Variants in CLIC5 observed in about 807,000 individuals in gnomAD.
CLIC5 encodes chloride intracellular channel protein 5.
In CLIC5, 20 loss-of-function variants were observed where a neutral mutation model predicts 24.7. That is an observed-to-expected ratio of 0.81 (90% CI 0.57 to 1.18). CLIC5 has a LOEUF of 1.18. CLIC5 is among the 50% of genes most tolerant of loss of function. The pLI is 0.00. For missense variants in CLIC5, 341 were observed against 326.1 expected (o/e 1.05, Z -0.35); for synonymous variants, 159 against 135.6 (o/e 1.17, Z -1.20).
At chr6:45,942,376 C>T (rs571676137) in intron 3 of CLIC5, among the ~76,000 whole-genome samples, 1 of 152,156 alleles carries the variant, frequency 6.6e-6, no homozygotes, top group African/African-American at 2.4e-5. Flanking sequence ...GGAGTTAGAA[C>T]GATTGGCCTT....
In CLIC5 at chr6:45,941,640, C is replaced by G. The variant is rs147535896; in HGVS notation, c.313G>C (p.Ala105Pro). The change falls in exon 4 of 6, where the codon GCT becomes CCT. Residue 105 changes from alanine (A) to proline (P), a missense_variant. Transcript: ENST00000339561. ...TLTPEKYPKL[A>P]AKHRESNTAG... ...GTGTTGGATTCCCGGTGTTTTGCAG[C>G]CAGTTTGGGGTACCTGGAATGGAGG... 2 of 1,613,850 alleles carry G rather than the reference C, an allele frequency of 1.2e-6. No homozygotes were observed. Among genetic ancestry groups the G allele is most frequent in the African/African-American group, 2.7e-5 (2 of 74,980 alleles).
chr6:45,922,090 C>T (rs1763285915), intron 4 of CLIC5, among the ~76,000 whole-genome samples: 3 of 152,160 alleles, frequency 2.0e-5, no homozygotes, highest in African/African-American at 4.8e-5. Flanking sequence ...CCTCGTGTGG[C>T]GTCAGCTGGG....
At chr6:46,019,081 G>GT, upstream of CLIC5, among the ~76,000 whole-genome samples, 1 of 130,668 alleles carries the variant, frequency 7.7e-6, no homozygotes, top group East Asian at 2.5e-4. Context: ...CAAAAGTATA[G>GT]TAAAAAAAAA....
chr6:45,922,742 T>C (rs1763312313), intron 4 of CLIC5, among the ~76,000 whole-genome samples: 1 of 152,100 alleles, frequency 6.6e-6, no homozygotes, highest in South Asian at 2.1e-4. Context: ...TTAAGTTTCC[T>C]TTTGTGTACT....
chr6:46,081,568 A>G (rs1762920523), upstream of CLIC5, among the ~76,000 whole-genome samples: 1 of 152,158 alleles, frequency 6.6e-6, no homozygotes, highest in Non-Finnish European at 1.5e-5. Context: ...GACACTGGAC[A>G]TTTATCTTAT....
At chr6:45,891,378 C>T (rs114350636) in intron 6 of CLIC5, among the ~76,000 whole-genome samples, 2,469 of 152,222 alleles carry the variant, frequency 0.016, 74 homozygotes, top group African/African-American at 0.055. Flanking sequence ...TGGCTCACCC[C>T]GGTAATTCCA....
chr6:46,053,710 C>T (rs1211069350), intron 1 of CLIC5, among the ~76,000 whole-genome samples: 1 of 152,192 alleles, frequency 6.6e-6, no homozygotes, highest in Non-Finnish European at 1.5e-5. Flanking sequence ...TTCCTCTCAG[C>T]TTTCCTGGAA....
At chr6:45,973,756 G>T (rs1191392552) in intron 1 of CLIC5, among the ~76,000 whole-genome samples, 1 of 152,104 alleles carries the variant, frequency 6.6e-6, no homozygotes, top group African/African-American at 2.4e-5. Context: ...GGACAACATG[G>T]TTAAACCCCA....
chr6:46,113,567 G>T, the CLIC5 span, among the ~76,000 whole-genome samples: 1 of 152,126 alleles, frequency 6.6e-6, no homozygotes, highest in Admixed American at 6.5e-5. Flanking sequence ...AGCAGGTGTG[G>T]CACACTTACC....
chr6:45,938,393 G>C (rs1764014421), intron 4 of CLIC5, among the ~76,000 whole-genome samples: 1 of 152,180 alleles, frequency 6.6e-6, no homozygotes, highest in Non-Finnish European at 1.5e-5. Flanking sequence ...GGGGGTATTG[G>C]GTGGGAGGAA....
chr6:46,072,693 T>C (rs1762642487), intron 1 of CLIC5, among the ~76,000 whole-genome samples: 1 of 152,212 alleles, frequency 6.6e-6, no homozygotes. Flanking sequence ...TATTCTTTCA[T>C]GAAGGTTTCT....
intron 2 of CLIC5, among the ~76,000 whole-genome samples, chr6:45,952,804 A>G (rs865917661): frequency 6.6e-6 from 1 of 152,268 alleles, no homozygotes; most frequent in Non-Finnish European, 1.5e-5. Context: ...TCTCTTCTCC[A>G]GCAAACATAC....
rs150142879 is a variant in CLIC5, at chr6:45,994,532, T to C, written c.63+20948A>G. On this transcript the variant is annotated intron_variant, in intron 1 of 5. Transcript: ENST00000339561. The stretch of plus-strand genomic sequence containing the variant: ...GGAGGGAATTCAGAGGATGGGTCAA[T>C]AGTTGCAGCAAACCACCATGGCACA... 1.4e-3 allele frequency among the ~76,000 whole-genome samples: 217 copies of C among 152,140 alleles called. 5 individuals are homozygous for C. In the East Asian group the frequency reaches 0.03, roughly 21 times the overall value.
At chr6:45,885,551 C>T (rs1762298181) in intron 6 of CLIC5, among the ~76,000 whole-genome samples, 1 of 152,100 alleles carries the variant, frequency 6.6e-6, no homozygotes, top group Admixed American at 6.5e-5. Context: ...GCCACCTCCC[C>T]TGAATAGTGA....
At chr6:46,102,750 C>G in the CLIC5 span, 1 of 152,292 alleles carries the variant, frequency 6.6e-6, no homozygotes, top group East Asian at 1.9e-4. Context: ...TTTTTTAAAG[C>G]ATGATTCAAG....
At chr6:45,992,961 A>G (rs1262278150) in intron 1 of CLIC5, among the ~76,000 whole-genome samples, 2 of 152,234 alleles carry the variant, frequency 1.3e-5, no homozygotes, top group Non-Finnish European at 2.9e-5. Context: ...ACACACACAC[A>G]GACACACAAA....
At chr6:45,907,807 C>G (rs747805144) in intron 5 of CLIC5, among the ~76,000 whole-genome samples, 43 of 151,964 alleles carry the variant, frequency 2.8e-4, no homozygotes, top group Non-Finnish European at 1.8e-4. Context: ...GTTCCAGGAG[C>G]CTTTTGGTGA....
intron 4 of CLIC5, 161 bp from the exon 5 acceptor site, chr6:45,914,570 A>G (rs964031870): frequency 8.7e-5 from 108 of 1,239,704 alleles, no homozygotes; most frequent in Non-Finnish European, 1.0e-4. Context: ...AACACAATGC[A>G]GTAGAAGTGT....
chr6:46,125,749 G>A, the CLIC5 span, among the ~76,000 whole-genome samples: 1 of 152,032 alleles, frequency 6.6e-6, no homozygotes, highest in Non-Finnish European at 1.5e-5. Context: ...TTCTTCTCAG[G>A]TAGACTTTCC....
Sources: allele counts gnomAD v4.1 joint callset (sites outside exome capture counted in the v4.1 genomes callset), GRCh38; gene constraint gnomAD v4.1.1; transcripts MANE v1.5; gene names NCBI Gene and HGNC (gene_info 2026-07-23, HGNC 2026-07-21).